The following GALNT13 variants were observed in gnomAD, a reference collection of about 807,000 sequenced individuals.
GALNT13 encodes UDP-GalNAc:polypeptide N-acetylgalactosaminyltransferase 13.
GALNT13 carries 28 observed loss-of-function variants against 64.2 expected under a neutral mutation model. That is an observed-to-expected ratio of 0.44 (90% CI 0.32 to 0.60). The LOEUF (loss-of-function observed/expected upper bound fraction) is 0.60, where lower values mean the gene tolerates loss of function less well. Among genes scored for constraint, GALNT13 ranks in the 20% least tolerant of loss-of-function variants. The pLI is 0.05. For synonymous variants in GALNT13, 214 were observed against 224.6 expected (o/e 0.95, Z 0.42); for missense variants, 577 against 669.8 (o/e 0.86, Z 1.53).
At chr2:153,863,207 A>G in the GALNT13 span, among the ~76,000 whole-genome samples, 51 of 152,292 alleles carry the variant, frequency 3.3e-4, no homozygotes, top group African/African-American at 1.2e-3. Flanking sequence ...ACATATAAAT[A>G]ATTACTTTGA....
the GALNT13 span, among the ~76,000 whole-genome samples, chr2:153,769,799 C>T: frequency 6.6e-6 from 1 of 152,228 alleles, no homozygotes; most frequent in Admixed American, 6.5e-5. Flanking sequence ...TCATTTTTGT[C>T]TGAGTTAATT....
chr2:154,164,351 G>C (rs1021516848), intron 4 of GALNT13, among the ~76,000 whole-genome samples: 21 of 152,016 alleles, frequency 1.4e-4, no homozygotes, highest in African/African-American at 5.1e-4. Context: ...ATCATCTATA[G>C]CATTCTATTT....
chr2:153,810,597 G>A, the GALNT13 span, among the ~76,000 whole-genome samples: 2 of 152,062 alleles, frequency 1.3e-5, no homozygotes, highest in South Asian at 4.1e-4. Context: ...TGGGGAGAGA[G>A]AATTGAAGAA....
At chr2:153,095,364 GC>G in the GALNT13 span, among the ~76,000 whole-genome samples, 46 of 152,202 alleles carry the variant, frequency 3.0e-4, no homozygotes, top group Non-Finnish European at 5.9e-4. Context: ...AGTTAGAATG[GC>G]GATCATTAAA....
the GALNT13 span, among the ~76,000 whole-genome samples, chr2:153,623,321 T>C: frequency 6.6e-6 from 1 of 152,130 alleles, no homozygotes; most frequent in Non-Finnish European, 1.5e-5. Context: ...GCTCTACTTA[T>C]CTCAATGGGA....
At chr2:153,715,833 C>CTT in the GALNT13 span, among the ~76,000 whole-genome samples, 15 of 137,070 alleles carry the variant, frequency 1.1e-4, no homozygotes, top group South Asian at 2.3e-4. Flanking sequence ...CTTCTTCTTC[C>CTT]TTTTTTTTTT....
chr2:153,877,447 G>A (rs757021974), intron 1 of GALNT13, among the ~76,000 whole-genome samples: 6 of 152,088 alleles, frequency 3.9e-5, no homozygotes, highest in Non-Finnish European at 5.9e-5. Context: ...GAATTTAAAA[G>A]CATAGCACAA....
At chr2:153,682,542 C>G in the GALNT13 span, among the ~76,000 whole-genome samples, 1 of 151,666 alleles carries the variant, frequency 6.6e-6, no homozygotes, top group African/African-American at 2.4e-5. Flanking sequence ...AACACCTGCT[C>G]TCACATAAAT....
chr2:153,650,147 T>C, the GALNT13 span, among the ~76,000 whole-genome samples: 4 of 152,076 alleles, frequency 2.6e-5, no homozygotes, highest in East Asian at 1.9e-4. Context: ...TCTGGGTGCT[T>C]CTGTATTGGG....
chr2:153,334,810 A>C, the GALNT13 span, among the ~76,000 whole-genome samples: 1 of 152,230 alleles, frequency 6.6e-6, no homozygotes, highest in East Asian at 1.9e-4. Context: ...CATTTCTCAT[A>C]GTCTCCCATG....
At chr2:153,109,217 A>T in the GALNT13 span, among the ~76,000 whole-genome samples, 2 of 152,150 alleles carry the variant, frequency 1.3e-5, no homozygotes, top group African/African-American at 4.8e-5. Flanking sequence ...TGAAACTCGA[A>T]AAGCAGACAT....
At chr2:154,350,533 T>C (rs1040368019) in intron 9 of GALNT13, among the ~76,000 whole-genome samples, 4 of 152,206 alleles carry the variant, frequency 2.6e-5, no homozygotes, top group Non-Finnish European at 2.9e-5. Flanking sequence ...CTTTTGAGGT[T>C]TGGGGACTTG....
chr2:153,399,528 T>G, the GALNT13 span, among the ~76,000 whole-genome samples: 8 of 152,174 alleles, frequency 5.3e-5, no homozygotes, highest in African/African-American at 9.7e-5. Flanking sequence ...ATGGCCATTT[T>G]CACAATATTG....
the GALNT13 span, among the ~76,000 whole-genome samples, chr2:153,612,035 C>A: frequency 6.6e-6 from 1 of 152,044 alleles, no homozygotes; most frequent in African/African-American, 2.4e-5. Flanking sequence ...AGGACATGAA[C>A]TCATCCTTTT....
chr2:153,475,644 G>C, the GALNT13 span, among the ~76,000 whole-genome samples: 1 of 152,028 alleles, frequency 6.6e-6, no homozygotes, highest in Non-Finnish European at 1.5e-5. Context: ...TTCAGCCTCC[G>C]CGTGTCTGAA....
chr2:153,622,351 C>T, the GALNT13 span, among the ~76,000 whole-genome samples: 36 of 152,118 alleles, frequency 2.4e-4, no homozygotes, highest in African/African-American at 7.2e-4. Context: ...TTTGTAACTA[C>T]GAGGCAAGAA....
At chr2:154,410,307 A>C (rs1463341121) in intron 11 of GALNT13, among the ~76,000 whole-genome samples, 2 of 151,976 alleles carry the variant, frequency 1.3e-5, no homozygotes, top group Admixed American at 6.6e-5. Context: ...TAAATGTGTG[A>C]GGGTTTAATT....
intron 3 of GALNT13, among the ~76,000 whole-genome samples, chr2:154,118,511 A>C (rs142099718): frequency 2.6e-4 from 40 of 151,710 alleles, no homozygotes; most frequent in Middle Eastern, 3.4e-3. Flanking sequence ...ATAAATTTAC[A>C]TTCCAGGTAA....
rs557073461 is a variant in GALNT13 at position 154,284,073 on chromosome 2, A to G, written c.976-17336A>G. 9.2e-5 allele frequency among the ~76,000 whole-genome samples: 14 copies of G among 152,330 alleles called. No individual in the cohort carries two copies. The East Asian group carries it at 1.7e-3, about 19-fold the overall frequency. On this transcript the variant is annotated intron_variant, in intron 8 of 12. Coordinates refer to ENST00000392825, the MANE Select transcript of GALNT13 (RefSeq NM_052917.4). ...TGTGTATACATTATAGAGACAATCA[A>G]GTCAATTAACATATCCATCACCTCC... is the stretch of plus-strand genomic sequence containing the variant.
Sources: gnomAD v4.1 joint callset for allele counts (sites outside exome capture counted in the v4.1 genomes callset) on GRCh38, gnomAD v4.1.1 for gene constraint, MANE v1.5 for transcripts, NCBI Gene and HGNC (gene_info 2026-07-23, HGNC 2026-07-21) for gene names.